Variants in AKNA observed in about 807,000 individuals in gnomAD.
AKNA encodes microtubule organization protein AKNA.
A neutral mutation model predicts 138.8 loss-of-function variants in AKNA; 67 were observed. The ratio of observed to expected loss-of-function variants is 0.48; its 90% CI spans 0.40 to 0.59. The LOEUF (loss-of-function observed/expected upper bound fraction) is 0.59. Ranked by LOEUF, AKNA falls within the 20% of genes least tolerant of loss-of-function variation. AKNA has a pLI of 0.00. For missense variants in AKNA, 1,813 were observed against 1,880.4 expected (o/e 0.96, Z 0.66); for synonymous variants, 737 against 754.4 (o/e 0.98, Z 0.38).
intron 4 of AKNA, among the ~76,000 whole-genome samples, chr9:114,372,350 C>A (rs1259359091): frequency 2.6e-5 from 4 of 152,090 alleles, no homozygotes; most frequent in African/African-American, 9.7e-5. Context: ...GACCCTGAGT[C>A]CTACTGGGTC....
intron 16 of AKNA, among the ~76,000 whole-genome samples, 184 bp downstream of exon 16, chr9:114,347,540 G>T (rs1025933261): frequency 6.6e-6 from 1 of 152,176 alleles, no homozygotes; most frequent in Non-Finnish European, 1.5e-5. Context: ...TAACATAGAG[G>T]TTTATATATT....
chr9:114,359,458 C>T, intron 11 of AKNA, 136 bp downstream of exon 11: 2 of 1,514,842 alleles, frequency 1.3e-6, no homozygotes, highest in Non-Finnish European at 1.8e-6. Flanking sequence ...CAGTGGTATA[C>T]ATTCCACACT....
At chr9:114,338,009 C>T (rs1830110095) in intron 21 of AKNA, among the ~76,000 whole-genome samples, 1 of 152,154 alleles carries the variant, frequency 6.6e-6, no homozygotes, top group Non-Finnish European at 1.5e-5. Flanking sequence ...GTTTAGGGTT[C>T]AAGGAAACCA....
downstream of AKNA, among the ~76,000 whole-genome samples, chr9:114,331,291 A>G (rs1334708371): frequency 6.6e-6 from 1 of 152,080 alleles, no homozygotes; most frequent in Non-Finnish European, 1.5e-5. Flanking sequence ...TAGCATCCCG[A>G]GCCTCCTCTC....
chr9:114,346,029 G>A lies in AKNA; in HGVS notation c.3515-20C>T, dbSNP rs771353435. The stretch of plus-strand genomic sequence containing the variant: ...CTGAACCTGGGGTAGAAAAAGTGGG[G>A]CATCAGAGGGGGCAAGGGGTGGGGG... On this transcript the variant is annotated intron_variant, in intron 17 of 21. Coordinates refer to ENST00000374088, the MANE Select transcript of AKNA (RefSeq NM_001317950.2). The A allele has an allele frequency of 1.2e-6, 2 of 1,608,188 alleles. No homozygotes were observed. The highest frequency in any genetic ancestry group is 3.3e-5 in the Admixed American group (2 of 59,814).
intron 21 of AKNA, among the ~76,000 whole-genome samples, chr9:114,338,186 C>T (rs929100937): frequency 2.0e-5 from 3 of 152,208 alleles, no homozygotes; most frequent in African/African-American, 7.2e-5. Context: ...TGGCTTTATT[C>T]CTGAGCCCCT....
chr9:114,376,661 T>G lies in AKNA; in HGVS notation c.1146A>C (p.Arg382Ser). 1 of 1,613,794 alleles carries G rather than the reference T, an allele frequency of 6.2e-7. No individual in the cohort carries two copies. The highest frequency in any genetic ancestry group is 1.1e-5 in the South Asian group (1 of 91,068). The change falls in exon 3 of 22, where the codon AGA becomes AGC. Residue 382 changes from arginine (R) to serine (S), a missense_variant. By Grantham distance (110) the Arg-to-Ser change is moderately radical (BLOSUM62 -1). Transcript: ENST00000374088. ...KDESYRPPKS[R>S]SHNRKPQAPA... ...GGGCCTGAGGCTTCCTGTTGTGGCT[T>G]CTGGACTTGGGGGGACGGTAGCTCT...
At chr9:114,345,673 A>G (rs933538431) in intron 18 of AKNA, 190 bp downstream of exon 18, 1 of 561,654 alleles carries the variant, frequency 1.8e-6, no homozygotes, top group Non-Finnish European at 3.1e-6. Context: ...GAATGAATGA[A>G]TGAATGAATG....
chr9:114,357,117 G>GGGCTCTCA, intron 12 of AKNA, 148 bp from the exon 13 acceptor site: 1 of 611,608 alleles, frequency 1.6e-6, no homozygotes, highest in Non-Finnish European at 2.7e-6. Flanking sequence ...CCAGGAGTGA[G>GGGCTCTCA]GGCTCTCAGG....
chr9:114,339,621 A>T (rs1476331929), intron 21 of AKNA, among the ~76,000 whole-genome samples: 1 of 152,202 alleles, frequency 6.6e-6, no homozygotes, highest in South Asian at 2.1e-4. Flanking sequence ...TAAAGACTCC[A>T]TGGCTACCGT....
At chr9:114,337,665 C>T (rs1416359912) in intron 21 of AKNA, among the ~76,000 whole-genome samples, 2 of 151,944 alleles carry the variant, frequency 1.3e-5, no homozygotes, top group East Asian at 1.9e-4. Context: ...TTCTTGGAGC[C>T]GGATCTTGGG....
Position 114,377,546 on chromosome 9 carries a change from C to T in AKNA, c.275-14G>A. On this transcript the variant is annotated splice_polypyrimidine_tract_variant and intron_variant, in intron 2 of 21. Transcript: ENST00000374088. Reference sequence around the variant, plus strand: ...CTGCTTCAGCCTCTGGAAAGACAGGCCATTCACTTCTTAGCATATACCAGC... The same window carrying T: ...CTGCTTCAGCCTCTGGAAAGACAGGTCATTCACTTCTTAGCATATACCAGC... 1.3e-6 allele frequency: 2 copies of T among 1,578,866 alleles called. No individual in the cohort carries two copies. The highest frequency in any genetic ancestry group is 1.7e-6 in the Non-Finnish European group (2 of 1,162,608).
At chr9:114,353,183 C>T (rs919367032) in intron 14 of AKNA, among the ~76,000 whole-genome samples, 1 of 151,658 alleles carries the variant, frequency 6.6e-6, no homozygotes, top group Non-Finnish European at 1.5e-5. Flanking sequence ...ATTTCATAGA[C>T]ATGGAAAGTG....
Position 114,376,764 on chromosome 9 carries a change from T to C in AKNA, c.1043A>G (p.Lys348Arg), listed in dbSNP as rs572834818. Reference sequence around the variant, plus strand: ...GTAGTTCAACTGCCCCCGGCCATACTTGGGGGCATTAGAAGAGGAGCGGCC... The same window carrying C: ...GTAGTTCAACTGCCCCCGGCCATACCTGGGGGCATTAGAAGAGGAGCGGCC... ...LAGRSSSNAP[K>R]YGRGQLNYPL... Residue 348 changes from lysine to arginine, a missense_variant, in exon 3 of 22, where the codon AAG becomes AGG. Transcript: ENST00000374088. The C allele has an allele frequency of 2.5e-6, 4 of 1,612,798 alleles. No homozygotes were observed. Among genetic ancestry groups the C allele is most frequent in the South Asian group, 2.2e-5 (2 of 90,982 alleles).
intron 20 of AKNA, 133 bp from the exon 21 acceptor site, chr9:114,341,858 AGG>A: frequency 1.5e-6 from 2 of 1,312,200 alleles, no homozygotes; most frequent in Non-Finnish European, 2.1e-6. Context: ...CATGTCGGGG[AGG>A]TCTCTCTTTG....
At chr9:114,386,193 G>A (rs190206059) in intron 1 of AKNA, among the ~76,000 whole-genome samples, 18 of 152,348 alleles carry the variant, frequency 1.2e-4, no homozygotes, top group African/African-American at 3.8e-4. Flanking sequence ...AAAGCCCTAT[G>A]ACTTCCTACT....
chr9:114,351,495 C>A (rs1231431033), intron 14 of AKNA, among the ~76,000 whole-genome samples: 1 of 152,080 alleles, frequency 6.6e-6, no homozygotes, highest in African/African-American at 2.4e-5. Context: ...AGGTTAAAAA[C>A]CACTAATCCG....
At chr9:114,395,525 C>T (rs907692109), upstream of AKNA, among the ~76,000 whole-genome samples, 1 of 152,048 alleles carries the variant, frequency 6.6e-6, no homozygotes, top group African/African-American at 2.4e-5. Flanking sequence ...AAGTCAGGGG[C>T]TGCTGCACTG....
In AKNA at chr9:114,381,136, C is replaced by T; in HGVS notation, c.198G>A (p.Leu66=). ...LEDFRLAQQH[L]PPLEWDPHPQ... is the part of the protein sequence containing the mutation. Reference sequence around the variant, plus strand: ...GGTGTGGGTCCCACTCCAGGGGCGGCAGGTGCTGCTGGGCCAGGCGGAAGT... The same window carrying T: ...GGTGTGGGTCCCACTCCAGGGGCGGTAGGTGCTGCTGGGCCAGGCGGAAGT... Residue 66 remains leucine, a synonymous_variant, in exon 2 of 22, where the codon CTG becomes CTA. Transcript: ENST00000374088. 6.2e-7 allele frequency: 1 copy of T among 1,613,044 alleles called. No individual in the cohort carries two copies. Among genetic ancestry groups the T allele is most frequent in the African/African-American group, 1.3e-5 (1 of 74,618 alleles).
Sources: allele counts gnomAD v4.1 joint callset (sites outside exome capture counted in the v4.1 genomes callset), GRCh38; gene constraint gnomAD v4.1.1; transcripts MANE v1.5; gene names NCBI Gene and HGNC (gene_info 2026-07-23, HGNC 2026-07-21).